Variants in ZNF19 observed in about 807,000 individuals in gnomAD.
The protein encoded by ZNF19 is zinc finger protein 19, also known as zinc finger protein 19 (KOX 12).
A neutral mutation model predicts 13.1 loss-of-function variants in ZNF19; 11 were observed. The ratio of observed to expected loss-of-function variants is 0.84; its 90% CI spans 0.53 to 1.39. The LOEUF (loss-of-function observed/expected upper bound fraction) is 1.39. ZNF19 is among the 40% of genes most tolerant of loss of function. ZNF19 has a pLI of 0.00. For synonymous variants in ZNF19, 186 were observed against 187.0 expected, an observed-to-expected ratio of 0.99 and a Z score of 0.04; for missense variants, 560 against 547.0, an observed-to-expected ratio of 1.02 and a Z score of -0.24.
chr16:71,487,991 G>C (rs756047177), intron 1 of ZNF19, among the ~76,000 whole-genome samples: 1 of 152,152 alleles, frequency 6.6e-6, no homozygotes, highest in Non-Finnish European at 1.5e-5. Context: ...GAACATGGCA[G>C]GTATGTCTGC....
intron 1 of ZNF19, 184 bp downstream of exon 1, chr16:71,489,088 G>A (rs1014310111): frequency 4.0e-5 from 10 of 249,074 alleles, no homozygotes; most frequent in Admixed American, 2.6e-4. Context: ...GTTCGTGAGC[G>A]GCAAAGCTTG....
At position 71,475,700 on chromosome 16, in the gene ZNF19, C is replaced by G. The variant is rs778331518; in HGVS notation, c.847G>C (p.Val283Leu). The G allele has an allele frequency of 6.2e-7, 1 of 1,612,396 alleles. No individual in the cohort carries two copies. The highest frequency in any genetic ancestry group is 1.7e-5 in the Admixed American group (1 of 59,994). ...YECNECGKAF[V>L]GNSPLLRHQK... ...TGCCGAAGTAGGGGTGAATTACCAACAAAAGCTTTGCCACACTCATTACAC... is the reference window on the plus strand; with the variant it reads ...TGCCGAAGTAGGGGTGAATTACCAAGAAAAGCTTTGCCACACTCATTACAC... Residue 283 changes from valine (V) to leucine (L), a missense_variant, in exon 6 of 6, where the codon GTT becomes CTT. Val to Leu is a conservative substitution (Grantham distance 32). Transcript: ENST00000288177.
intron 3 of ZNF19, 68 bp from the exon 4 acceptor site, chr16:71,479,073 G>T: frequency 6.2e-7 from 1 of 1,610,686 alleles, no homozygotes; most frequent in South Asian, 1.1e-5. Context: ...TGGGGCAGAG[G>T]GGACAGGTAG....
At chr16:71,481,722 A>C (rs1240231725) in intron 3 of ZNF19, among the ~76,000 whole-genome samples, 1 of 151,978 alleles carries the variant, frequency 6.6e-6, no homozygotes. Context: ...ACTTCCCAAA[A>C]ACCTTGTGCC....
rs750292397 is a variant in ZNF19 at position 71,475,387 on chromosome 16, C to A, written c.1160G>T (p.Cys387Phe). The A allele has an allele frequency of 6.2e-7, 1 of 1,614,116 alleles. No individual in the cohort carries two copies. Among genetic ancestry groups the A allele is most frequent in the South Asian group, 1.1e-5 (1 of 91,072 alleles). Residue 387 changes from cysteine (C) to phenylalanine (F), a missense_variant, in exon 6 of 6, where the codon TGT becomes TTT. Cys to Phe is a radical substitution (Grantham distance 205). Transcript: ENST00000288177. ...RIHTQESSYV[C>F]DECGKALTSK... ...AGTCAAGGCTTTTCCACACTCATCA[C>A]ATACATAGGAAGACTCCTGAGTATG... is the stretch of plus-strand genomic sequence containing the variant.
In ZNF19 at chr16:71,475,560, A is replaced by G. The variant is rs2043595368; in HGVS notation, c.987T>C (p.Tyr329=). ...HQRIHTGEKP[Y]SCKVCGQAFN... is the part of the protein sequence containing the mutation. Reference sequence around the variant, plus strand: ...AGGCTTGTCCACATACTTTACAAGAATAAGGCTTTTCCCCTGTGTGAATAC... The same window carrying G: ...AGGCTTGTCCACATACTTTACAAGAGTAAGGCTTTTCCCCTGTGTGAATAC... The change falls in exon 6 of 6, where the codon TAT becomes TAC. Residue 329 remains tyrosine, a synonymous_variant. Coordinates refer to ENST00000288177, the MANE Select transcript of ZNF19 (RefSeq NM_006961.4). The G allele has an allele frequency of 6.2e-7, 1 of 1,614,152 alleles. No homozygotes were observed.
chr16:71,479,220 T>C, intron 3 of ZNF19: 1 of 577,930 alleles, frequency 1.7e-6, no homozygotes, highest in South Asian at 2.2e-5. Context: ...CATTAGGATA[T>C]AAAATTGACT....
chr16:71,489,290 A>G lies in ZNF19; in HGVS notation c.-208T>C. The G allele has an allele frequency of 1.0e-6, 1 of 985,522 alleles. No individual in the cohort carries two copies. The highest frequency in any genetic ancestry group is 1.2e-6 in the Non-Finnish European group (1 of 829,982). The allele number at this position is 985,522 out of a possible 1,614,324, so 61.0% of individuals were successfully genotyped here. A position where few individuals can be genotyped will look rare whatever the true frequency, so the allele number is the denominator to read the frequency against. ...TTGGCACCTTTGAGCGCGGACTCAA[A>G]ACAGGCCAGAAGCGCACCGCTAGCG... On this transcript the variant is annotated 5_prime_UTR_variant, in exon 1 of 6. Transcript: ENST00000288177.
At chr16:71,486,894 G>A (rs777882803) in intron 1 of ZNF19, among the ~76,000 whole-genome samples, 1 of 152,100 alleles carries the variant, frequency 6.6e-6, no homozygotes, top group African/African-American at 2.4e-5. Flanking sequence ...TGTTTACTTG[G>A]TGAAGAGTTG....
chr16:71,479,716 T>C (rs1236469089), intron 3 of ZNF19, among the ~76,000 whole-genome samples: 2 of 152,176 alleles, frequency 1.3e-5, no homozygotes, highest in African/African-American at 2.4e-5. Flanking sequence ...TCCAAGACAA[T>C]CTGTAATAGC....
intron 2 of ZNF19, among the ~76,000 whole-genome samples, chr16:71,482,649 G>A (rs944893590): frequency 4.6e-5 from 7 of 152,110 alleles, no homozygotes; most frequent in Admixed American, 4.6e-4. Context: ...GCTGGTGAAT[G>A]GATGAACTCG....
chr16:71,478,707 C>T, intron 4 of ZNF19, 172 bp downstream of exon 4: 1 of 912,332 alleles, frequency 1.1e-6, no homozygotes, highest in East Asian at 2.4e-5. Flanking sequence ...AAGACCTCTC[C>T]CTACCCAGCA....
rs767118912 is a variant in ZNF19, at chr16:71,476,023, T to C, written c.524A>G (p.Tyr175Cys). ...ECGKSFSYFS[Y>C]YARHQRIHTG... is the part of the protein sequence containing the mutation. The stretch of plus-strand genomic sequence containing the variant: ...GTGGATTCTCTGGTGTCTAGCATAG[T>C]AAGAAAAGTAGCTGAAGGATTTCCC... Residue 175 changes from tyrosine to cysteine, a missense_variant, in exon 6 of 6, where the codon TAC becomes TGC. Transcript: ENST00000288177. 30 of 1,614,212 alleles carry C rather than the reference T, an allele frequency of 1.9e-5. 2 individuals carry two copies. The South Asian group carries it at 3.0e-4, about 16-fold the overall frequency.
intron 2 of ZNF19, 78 bp from the exon 3 acceptor site, chr16:71,482,221 T>C (rs1450380518): frequency 5.1e-6 from 7 of 1,384,512 alleles, no homozygotes; most frequent in East Asian, 4.8e-5. Context: ...AATTTGCCAA[T>C]AGCAAGCAGC....
rs2043583217 is a variant in ZNF19 at position 71,473,967 on chromosome 16, C to T, written c.*1203G>A. 1 of 152,194 alleles carries T rather than the reference C, an allele frequency of 6.6e-6. No individual in the cohort carries two copies. The highest frequency in any genetic ancestry group is 2.1e-4 in the South Asian group (1 of 4,832). The allele number at this position is 152,194 out of a possible 1,614,324, so 9.4% of individuals were successfully genotyped here. On this transcript the variant is annotated 3_prime_UTR_variant, in exon 6 of 6. Transcript: ENST00000288177. ...CAAGTCTATCATTCATTGGTCAACC[C>T]AAGCACATGATACAACTGCTCATTC... is the stretch of plus-strand genomic sequence containing the variant.
At chr16:71,487,183 T>TG (rs1047272472) in intron 1 of ZNF19, 3 of 152,180 alleles carry the variant, frequency 2.0e-5, no homozygotes, top group African/African-American at 4.8e-5. Flanking sequence ...TCTTCAGTGT[T>TG]GGGGGAGGAA....
rs768247325 is a variant in ZNF19, at chr16:71,478,921, T to C, written c.118A>G (p.Arg40Gly). The C allele has an allele frequency of 9.3e-6, 15 of 1,614,090 alleles. 1 individual carries two copies. In the South Asian group the frequency reaches 1.6e-4, roughly 18 times the overall value. The change falls in exon 4 of 6, where the codon AGA (arginine) becomes GGA (glycine). Residue 40 changes from arginine to glycine, a missense_variant. Arg to Gly is a moderately radical substitution (Grantham distance 125). Coordinates refer to ENST00000288177, the MANE Select transcript of ZNF19 (RefSeq NM_006961.4). ...GLSPAQRALY[R>G]SVMLENFGNL... ...CCAAAATTCTCCAACATCACACTTC[T>C]GTACAGGGCCCTCTGGGCAGGAGAA...
intron 3 of ZNF19, 107 bp downstream of exon 3, chr16:71,481,975 G>A: frequency 8.4e-7 from 1 of 1,197,026 alleles, no homozygotes; most frequent in Non-Finnish European, 1.2e-6. Context: ...AATCAGCAGG[G>A]GTTTTCCTAC....
chr16:71,484,206 T>A (rs888744844), intron 2 of ZNF19, among the ~76,000 whole-genome samples: 4 of 152,212 alleles, frequency 2.6e-5, no homozygotes, highest in African/African-American at 9.6e-5. Flanking sequence ...GCGGAAAGCT[T>A]CCTGGGGGCG....
Sources: allele counts gnomAD v4.1 joint callset (sites outside exome capture counted in the v4.1 genomes callset), GRCh38; gene constraint gnomAD v4.1.1; transcripts MANE v1.5; gene names NCBI Gene and HGNC (gene_info 2026-07-23, HGNC 2026-07-21).